Variants in KCTD16 observed in about 807,000 individuals in gnomAD.
KCTD16 encodes potassium channel tetramerization domain containing 16.
In KCTD16, 13 loss-of-function variants were observed where a neutral mutation model predicts 33.2. The ratio of observed to expected loss-of-function variants is 0.39; its 90% CI spans 0.25 to 0.62. The LOEUF is 0.62. KCTD16 is among the 20% of genes least tolerant of loss of function. KCTD16 has a pLI of 0.50. For missense variants in KCTD16, 441 were observed against 525.1 expected (o/e 0.84, Z 1.57); for synonymous variants, 197 against 195.3 (o/e 1.01, Z -0.07).
chr5:144,403,001 G>T (rs1752736465), intron 3 of KCTD16, among the ~76,000 whole-genome samples: 1 of 152,282 alleles, frequency 6.6e-6, no homozygotes, highest in Admixed American at 6.5e-5. Context: ...CTTTTGGGTT[G>T]CTGGCATTTG....
intron 3 of KCTD16, among the ~76,000 whole-genome samples, chr5:144,443,892 G>A (rs1310336061): frequency 6.6e-6 from 1 of 152,058 alleles, no homozygotes; most frequent in East Asian, 1.9e-4. Context: ...ATAAGCAATA[G>A]TCAAATCATA....
intron 3 of KCTD16, among the ~76,000 whole-genome samples, chr5:144,358,360 AT>A (rs936020215): frequency 7.2e-4 from 109 of 152,200 alleles, no homozygotes; most frequent in Admixed American, 7.9e-4. Context: ...AGCTATTTCC[AT>A]TTTTTAAAGC....
chr5:144,334,379 G>A (rs965485791), intron 3 of KCTD16, among the ~76,000 whole-genome samples: 9 of 152,238 alleles, frequency 5.9e-5, no homozygotes, highest in Non-Finnish European at 1.2e-4. Flanking sequence ...AGAAAGACTG[G>A]TAATTATTCT....
At chr5:144,344,494 C>A (rs1250678021) in intron 3 of KCTD16, among the ~76,000 whole-genome samples, 3 of 151,270 alleles carry the variant, frequency 2.0e-5, no homozygotes, top group African/African-American at 4.9e-5. Context: ...CAAAGAACTT[C>A]AACAAATTTA....
chr5:144,381,165 A>G (rs1241769681), intron 3 of KCTD16, among the ~76,000 whole-genome samples: 2 of 152,220 alleles, frequency 1.3e-5, no homozygotes, highest in East Asian at 1.9e-4. Flanking sequence ...GACACTTTTC[A>G]AAAGAAGACA....
chr5:144,410,178 G>GCT (rs1447481165), intron 3 of KCTD16, among the ~76,000 whole-genome samples: 2 of 152,300 alleles, frequency 1.3e-5, no homozygotes, highest in Non-Finnish European at 2.9e-5. Context: ...CTGTGCATGG[G>GCT]CTCTGGCAAA....
chr5:144,328,548 G>A (rs970243719), intron 3 of KCTD16, among the ~76,000 whole-genome samples: 1 of 151,602 alleles, frequency 6.6e-6, no homozygotes, highest in African/African-American at 2.4e-5. Flanking sequence ...CAAGCAGTGA[G>A]TGTGTATTCC....
At chr5:144,328,015 T>C (rs1270897885) in intron 3 of KCTD16, among the ~76,000 whole-genome samples, 1 of 152,112 alleles carries the variant, frequency 6.6e-6, no homozygotes, top group African/African-American at 2.4e-5. Flanking sequence ...AAATGTTTCA[T>C]CAATTAGCCT....
At chr5:144,401,423 C>T (rs991724604) in intron 3 of KCTD16, among the ~76,000 whole-genome samples, 3 of 152,076 alleles carry the variant, frequency 2.0e-5, no homozygotes, top group Admixed American at 1.3e-4. Flanking sequence ...ACAGAGCATA[C>T]ATGCACACAC....
intron 3 of KCTD16, among the ~76,000 whole-genome samples, chr5:144,292,912 G>A (rs139206286): frequency 1.3e-5 from 2 of 152,264 alleles, no homozygotes; most frequent in Non-Finnish European, 2.9e-5. Flanking sequence ...CCCAGGAAGG[G>A]CCAAAGTTCA....
chr5:144,335,060 A>G (rs1416648359), intron 3 of KCTD16, among the ~76,000 whole-genome samples: 1 of 152,084 alleles, frequency 6.6e-6, no homozygotes, highest in Non-Finnish European at 1.5e-5. Context: ...GATTACAGAA[A>G]TGAGCCACTA....
intron 3 of KCTD16, among the ~76,000 whole-genome samples, chr5:144,302,439 G>A (rs1424533595): frequency 1.3e-5 from 2 of 152,232 alleles, no homozygotes; most frequent in Non-Finnish European, 2.9e-5. Flanking sequence ...GGTGGTAGAA[G>A]ATGGTGTTCA....
At position 144,411,776 on chromosome 5, in the gene KCTD16, A is replaced by G. The variant is rs143724851; in HGVS notation, c.833-61884A>G. On this transcript the variant is annotated intron_variant, in intron 3 of 3. Coordinates refer to ENST00000512467, the MANE Select transcript of KCTD16 (RefSeq NM_020768.4). ...CATGTAATGGGAAAAAACATTTGCA[A>G]CTATCCATCTGACAAGAGATTAATA... Among the ~76,000 whole-genome samples, 239 of 152,318 alleles carry G rather than the reference A, an allele frequency of 1.6e-3. 1 individual carries two copies. Among genetic ancestry groups the G allele is most frequent in the African/African-American group, 5.5e-3 (227 of 41,584 alleles).
intron 3 of KCTD16, among the ~76,000 whole-genome samples, chr5:144,363,966 G>A (rs1426861585): frequency 6.6e-6 from 1 of 152,058 alleles, no homozygotes. Context: ...GTTTGGTGGT[G>A]ACATATTTAT....
At chr5:144,298,591 C>G (rs371609499) in intron 3 of KCTD16, among the ~76,000 whole-genome samples, 1 of 152,064 alleles carries the variant, frequency 6.6e-6, no homozygotes, top group Admixed American at 6.5e-5. Flanking sequence ...TCTCAAGATG[C>G]CTTCAGAGAC....
At position 144,470,072 on chromosome 5, in the gene KCTD16, G is replaced by A. The variant is rs185605527; in HGVS notation, c.833-3588G>A. ...TCCCCAAATGGAGAGAATTATTCCAGCCAGTATTGAAACTTCAGCAAATTG... is the reference window on the plus strand; with the variant it reads ...TCCCCAAATGGAGAGAATTATTCCAACCAGTATTGAAACTTCAGCAAATTG... On this transcript the variant is annotated intron_variant, in intron 3 of 3. Coordinates refer to ENST00000512467, the MANE Select transcript of KCTD16 (RefSeq NM_020768.4). Among the ~76,000 whole-genome samples the A allele has an allele frequency of 3.7e-3, 565 of 152,090 alleles. 1 individual carries two copies. Among genetic ancestry groups the A allele is most frequent in the African/African-American group, 0.013 (533 of 41,472 alleles).
At chr5:144,323,156 A>G (rs1292332829) in intron 3 of KCTD16, among the ~76,000 whole-genome samples, 2 of 152,182 alleles carry the variant, frequency 1.3e-5, no homozygotes, top group South Asian at 4.1e-4. Context: ...TGAGACTGAT[A>G]GTGTGAAATA....
At chr5:144,388,837 C>G (rs557339880) in intron 3 of KCTD16, among the ~76,000 whole-genome samples, 4 of 152,122 alleles carry the variant, frequency 2.6e-5, no homozygotes, top group Admixed American at 2.6e-4. Flanking sequence ...CATCAGTGAA[C>G]AAAACAAAGA....
intron 3 of KCTD16, among the ~76,000 whole-genome samples, chr5:144,276,616 C>G (rs1755443862): frequency 6.6e-6 from 1 of 152,160 alleles, no homozygotes; most frequent in South Asian, 2.1e-4. Flanking sequence ...TATTGAAACT[C>G]TATCTCGCCG....
Sources: allele counts gnomAD v4.1 joint callset (sites outside exome capture counted in the v4.1 genomes callset), GRCh38; gene constraint gnomAD v4.1.1; transcripts MANE v1.5; gene names NCBI Gene and HGNC (gene_info 2026-07-23, HGNC 2026-07-21).